Variants in DPYD observed in about 807,000 individuals in gnomAD.
The protein encoded by DPYD is dihydropyrimidine dehydrogenase, also known as dihydropyrimidine dehydrogenase [NADP(+)].
Under a neutral mutation model 116.2 loss-of-function variants are expected in DPYD, and 109 were observed. The ratio of observed to expected loss-of-function variants is 0.94; its 90% confidence interval spans 0.80 to 1.10. The LOEUF is 1.10. Ranked by LOEUF, DPYD falls within the 50% of genes least tolerant of loss-of-function variation. The pLI, the probability that DPYD is intolerant of heterozygous loss-of-function variation, is 0.00. For synonymous variants in DPYD, 440 were observed against 432.0 expected (o/e 1.02, Z -0.23); for missense variants, 1,302 against 1,254.5 (o/e 1.04, Z -0.57).
At chr1:97,573,109 T>C (rs987972570) in intron 11 of DPYD, among the ~76,000 whole-genome samples, 1 of 152,120 alleles carries the variant, frequency 6.6e-6, no homozygotes, top group Non-Finnish European at 1.5e-5. Flanking sequence ...AGCTTTCATC[T>C]ACAATGACCC....
At chr1:97,435,716 G>T (rs1173885051) in intron 14 of DPYD, among the ~76,000 whole-genome samples, 2 of 151,910 alleles carry the variant, frequency 1.3e-5, no homozygotes, top group East Asian at 3.8e-4. Context: ...TAAAGAGGAT[G>T]CTTTCAAGTA....
At chr1:97,463,484 C>T (rs991034730) in intron 13 of DPYD, among the ~76,000 whole-genome samples, 48 of 151,970 alleles carry the variant, frequency 3.2e-4, no homozygotes, top group African/African-American at 1.0e-3. Context: ...ATGTAATGGA[C>T]TAATACAGTA....
chr1:97,700,712 G>C (rs1484597980), intron 5 of DPYD, among the ~76,000 whole-genome samples: 3 of 151,860 alleles, frequency 2.0e-5, no homozygotes, highest in Non-Finnish European at 4.4e-5. Context: ...AAAATTGAAA[G>C]AGATACATAC....
At chr1:97,619,442 A>C (rs1054024924) in intron 8 of DPYD, among the ~76,000 whole-genome samples, 6 of 152,176 alleles carry the variant, frequency 3.9e-5, no homozygotes, top group Non-Finnish European at 7.3e-5. Flanking sequence ...GCAACTTTCC[A>C]TGAAATTGGA....
chr1:97,289,604 A>T lies in DPYD; in HGVS notation c.2299+15655T>A, dbSNP rs1300557535. ...ACAAAAACCACATGATTATCTCAATAGATGCAGAAAAGGCCTTTGACAAAA... is the reference window on the plus strand; with the variant it reads ...ACAAAAACCACATGATTATCTCAATTGATGCAGAAAAGGCCTTTGACAAAA... On this transcript the variant is annotated intron_variant, in intron 18 of 22. Transcript: ENST00000370192. Among the ~76,000 whole-genome samples, 7 of 152,234 alleles carry T rather than the reference A, an allele frequency of 4.6e-5. No homozygotes were observed. The South Asian group carries it at 1.2e-3, about 27-fold the overall frequency.
rs535475297 is a variant in DPYD at position 97,085,273 on chromosome 1, C to T, written c.2767-2803G>A. On this transcript the variant is annotated intron_variant, in intron 21 of 22. Transcript: ENST00000370192. Reference sequence around the variant, plus strand: ...ATGATTATACAGGAAACTCTCTAGGCAGTCAACAAGTGTATAAGCCTTCTT... The same window carrying T: ...ATGATTATACAGGAAACTCTCTAGGTAGTCAACAAGTGTATAAGCCTTCTT... Among the ~76,000 whole-genome samples the T allele has an allele frequency of 9.8e-5, 15 of 152,292 alleles. No individual in the cohort carries two copies. In the South Asian group the frequency reaches 2.9e-3, roughly 29 times the overall value.
intron 3 of DPYD, 106 bp downstream of exon 3, chr1:97,828,008 A>G (rs1669323239): frequency 9.2e-7 from 1 of 1,092,722 alleles, no homozygotes; most frequent in Non-Finnish European, 1.4e-6. Flanking sequence ...AATACCTTAG[A>G]GAACAGAGCT....
At chr1:97,587,190 T>C (rs986423907) in intron 10 of DPYD, among the ~76,000 whole-genome samples, 2 of 152,196 alleles carry the variant, frequency 1.3e-5, no homozygotes, top group African/African-American at 2.4e-5. Context: ...GTCATCCCCC[T>C]GTCATCATAA....
intron 12 of DPYD, among the ~76,000 whole-genome samples, chr1:97,526,995 G>C (rs1184091328): frequency 6.6e-6 from 1 of 152,012 alleles, no homozygotes; most frequent in Non-Finnish European, 1.5e-5. Context: ...TAAACTGCTT[G>C]TCCAAAGATT....
intron 15 of DPYD, 51 bp from the exon 16 acceptor site, chr1:97,373,695 C>A (rs1671430811): frequency 2.0e-6 from 3 of 1,501,148 alleles, no homozygotes; most frequent in Non-Finnish European, 1.9e-6. Flanking sequence ...TATTTATATA[C>A]CAATAGGCTT....
At chr1:97,229,564 A>C (rs1356781799) in intron 19 of DPYD, among the ~76,000 whole-genome samples, 1 of 128,764 alleles carries the variant, frequency 7.8e-6, no homozygotes, top group African/African-American at 2.7e-5. Context: ...ATATATATAT[A>C]TATATATATA....
At chr1:97,240,717 GA>G (rs1181229686) in intron 18 of DPYD, among the ~76,000 whole-genome samples, 2 of 151,564 alleles carry the variant, frequency 1.3e-5, no homozygotes, top group African/African-American at 4.8e-5. Flanking sequence ...CCATCCAGAA[GA>G]AAAAAAATTA....
rs1571403980 is a variant in DPYD at position 97,815,092 on chromosome 1, GAAGAGAAGAGAAAAGAGAAGAGAA to G, written c.233+12998_233+13021del. ...GAAAGAAAAGAGAAGAAAGAAAAGA[GAAGAGAAGAGAAAAGAGAAGAGAA>G]GAGAAAAGAAAAGAAGTCCAGATCC... On this transcript the variant is annotated intron_variant, in intron 3 of 22. Coordinates refer to ENST00000370192, the MANE Select transcript of DPYD (RefSeq NM_000110.4). Among the ~76,000 whole-genome samples, 4 of 9,378 alleles carry G rather than the reference GAAGAGAAGAGAAAAGAGAAGAGAA, an allele frequency of 4.3e-4. No homozygotes were observed. The East Asian group carries it at 0.25, about 586-fold the overall frequency. 6.2% of individuals were successfully genotyped at this position (9,378 alleles called of 152,430 possible). A position where few individuals can be genotyped will look rare whatever the true frequency, so the allele number is the denominator to read the frequency against.
At chr1:97,591,830 T>C (rs1390608071) in intron 10 of DPYD, among the ~76,000 whole-genome samples, 2 of 151,936 alleles carry the variant, frequency 1.3e-5, no homozygotes, top group African/African-American at 4.8e-5. Context: ...GATCAAAATG[T>C]TTCTTTCTAT....
intron 3 of DPYD, among the ~76,000 whole-genome samples, chr1:97,809,602 G>T (rs906280012): frequency 6.6e-6 from 1 of 152,168 alleles, no homozygotes; most frequent in African/African-American, 2.4e-5. Context: ...CTAAAATTTG[G>T]GAGTAAGCTA....
intron 3 of DPYD, among the ~76,000 whole-genome samples, chr1:97,800,623 C>G (rs985163454): frequency 3.3e-5 from 5 of 151,902 alleles, no homozygotes; most frequent in Non-Finnish European, 5.9e-5. Flanking sequence ...ACCTTTCTTT[C>G]TACTTCTGTG....
intron 19 of DPYD, among the ~76,000 whole-genome samples, chr1:97,216,287 C>T (rs1172689107): frequency 1.5e-5 from 1 of 65,458 alleles, no homozygotes; most frequent in Non-Finnish European, 2.5e-5. Flanking sequence ...GCCAAGCTTT[C>T]GAATTTTTTT....
chr1:97,720,675 C>T (rs1398523246), intron 5 of DPYD: 12 of 1,354,806 alleles, frequency 8.9e-6, no homozygotes, highest in Admixed American at 3.6e-5. Context: ...TGTGTTTATG[C>T]TGACAAAACC....
At chr1:97,630,506 G>A (rs904802482) in intron 8 of DPYD, among the ~76,000 whole-genome samples, 10 of 152,018 alleles carry the variant, frequency 6.6e-5, no homozygotes, top group East Asian at 1.9e-4. Flanking sequence ...CCTGCAGCTC[G>A]AAGCTAACAA....
Sources: gnomAD v4.1 joint callset for allele counts (sites outside exome capture counted in the v4.1 genomes callset) on GRCh38, gnomAD v4.1.1 for gene constraint, MANE v1.5 for transcripts, NCBI Gene and HGNC (gene_info 2026-07-23, HGNC 2026-07-21) for gene names.